The following SLC25A26 variants were observed in gnomAD, a reference collection of about 807,000 sequenced individuals.
The protein encoded by SLC25A26 is mitochondrial S-adenosylmethionine carrier protein.
Under a neutral mutation model 37.8 loss-of-function variants are expected in SLC25A26, and 36 were observed. The ratio of observed to expected loss-of-function variants is 0.95; its 90% confidence interval spans 0.73 to 1.26. The LOEUF (loss-of-function observed/expected upper bound fraction) is 1.26. Among genes scored for constraint, SLC25A26 ranks in the 50% most tolerant of loss-of-function variants. The probability of loss-of-function intolerance (pLI) is 0.00; values close to 1 mark genes in which losing one functional copy is unlikely to be tolerated. For missense variants in SLC25A26, 390 were observed against 331.1 expected, an observed-to-expected ratio of 1.18 and a Z score of -1.38; for synonymous variants, 129 against 122.5, an observed-to-expected ratio of 1.05 and a Z score of -0.35.
At chr3:66,254,969 C>T (rs559466808) in intron 3 of SLC25A26, among the ~76,000 whole-genome samples, 1 of 152,226 alleles carries the variant, frequency 6.6e-6, no homozygotes, top group East Asian at 1.9e-4. Context: ...AGTTGTAAAA[C>T]CCTGGTGGTG....
At chr3:66,222,415 C>T (rs888971602) in intron 1 of SLC25A26, among the ~76,000 whole-genome samples, 2 of 152,122 alleles carry the variant, frequency 1.3e-5, no homozygotes, top group Non-Finnish European at 2.9e-5. Context: ...CTCCTGACCT[C>T]GTGATCCCGC....
At chr3:66,329,205 A>C (rs1249915578) in intron 5 of SLC25A26, among the ~76,000 whole-genome samples, 1 of 152,182 alleles carries the variant, frequency 6.6e-6, no homozygotes, top group Non-Finnish European at 1.5e-5. Flanking sequence ...TCTCTGCAAA[A>C]GATTTTCCAT....
At chr3:66,200,261 C>T (rs1220659282) in intron 1 of SLC25A26, among the ~76,000 whole-genome samples, 1 of 152,196 alleles carries the variant, frequency 6.6e-6, no homozygotes, top group East Asian at 1.9e-4. Context: ...TCCTGGCTGG[C>T]CAAGGAGACT....
intron 6 of SLC25A26, among the ~76,000 whole-genome samples, chr3:66,361,334 G>T (rs1243472187): frequency 6.6e-6 from 1 of 152,172 alleles, no homozygotes; most frequent in Admixed American, 6.5e-5. Flanking sequence ...GTGACTTTGA[G>T]TTAGGCAAAG....
chr3:66,377,662 A>T, intron 9 of SLC25A26, 28 bp from the exon 10 acceptor site: 5 of 1,560,796 alleles, frequency 3.2e-6, no homozygotes, highest in Middle Eastern at 3.4e-4. Context: ...AATACGCACA[A>T]CATTAAAAAT....
At chr3:66,239,087 G>C (rs1367362401) in intron 2 of SLC25A26, among the ~76,000 whole-genome samples, 2 of 152,142 alleles carry the variant, frequency 1.3e-5, no homozygotes, top group Non-Finnish European at 2.9e-5. Context: ...CTTTCTGCTC[G>C]ATTGTCTGAT....
chr3:66,138,934 AG>A (rs1300927563), intron 1 of SLC25A26, among the ~76,000 whole-genome samples: 1 of 152,078 alleles, frequency 6.6e-6, no homozygotes, highest in Non-Finnish European at 1.5e-5. Flanking sequence ...ATTCTTTTTG[AG>A]ATTCTTTTTT....
chr3:66,351,612 G>C (rs1375414691), intron 6 of SLC25A26, among the ~76,000 whole-genome samples: 1 of 152,090 alleles, frequency 6.6e-6, no homozygotes, highest in African/African-American at 2.4e-5. Context: ...ATCACCAGCT[G>C]CCTAGTTGAC....
chr3:66,263,316 T>A lies in SLC25A26; in HGVS notation c.406-16T>A. 1 of 1,607,488 alleles carries A rather than the reference T, an allele frequency of 6.2e-7. No individual in the cohort carries two copies. The highest frequency in any genetic ancestry group is 1.3e-5 in the African/African-American group (1 of 74,966). On this transcript the variant is annotated splice_polypyrimidine_tract_variant and intron_variant, in intron 4 of 9. Transcript: ENST00000354883. Reference sequence around the variant, plus strand: ...CTGCCATTCTTTCTGAACTCTCGGCTGTGTGTTTGTTTCAGGGTATCCAAG... The same window carrying A: ...CTGCCATTCTTTCTGAACTCTCGGCAGTGTGTTTGTTTCAGGGTATCCAAG...
At chr3:66,203,244 G>T (rs1427192190) in intron 1 of SLC25A26, among the ~76,000 whole-genome samples, 2 of 152,046 alleles carry the variant, frequency 1.3e-5, no homozygotes, top group Admixed American at 1.3e-4. Flanking sequence ...AGCCAGGCAT[G>T]GTGCCATGTG....
intron 6 of SLC25A26, among the ~76,000 whole-genome samples, chr3:66,351,836 T>C (rs1406165325): frequency 2.0e-5 from 3 of 152,194 alleles, no homozygotes; most frequent in Admixed American, 2.0e-4. Flanking sequence ...ACTGTTCTAG[T>C]TCAAGCCTCT....
intron 1 of SLC25A26, among the ~76,000 whole-genome samples, chr3:66,152,697 G>A (rs550610860): frequency 6.6e-6 from 1 of 152,108 alleles, no homozygotes; most frequent in Non-Finnish European, 1.5e-5. Flanking sequence ...GGGTAGGGTG[G>A]GAGGGAATTT....
chr3:66,270,998 G>C (rs1174494695), intron 5 of SLC25A26, among the ~76,000 whole-genome samples: 1 of 152,176 alleles, frequency 6.6e-6, no homozygotes, highest in Non-Finnish European at 1.5e-5. Flanking sequence ...AGGGGCACCA[G>C]TTCCTGTGTG....
At chr3:66,181,084 G>C (rs1455935809) in intron 1 of SLC25A26, among the ~76,000 whole-genome samples, 1 of 152,178 alleles carries the variant, frequency 6.6e-6, no homozygotes, top group Non-Finnish European at 1.5e-5. Context: ...GCAGCCTTCA[G>C]TACTGTGAAA....
intron 1 of SLC25A26, among the ~76,000 whole-genome samples, chr3:66,174,617 T>TAA (rs200658216): frequency 6.6e-6 from 1 of 150,928 alleles, no homozygotes; most frequent in African/African-American, 2.4e-5. Flanking sequence ...CGTCTCTACT[T>TAA]AAAAAAAACA....
At chr3:66,138,414 A>G (rs982293648) in intron 1 of SLC25A26, among the ~76,000 whole-genome samples, 3 of 152,006 alleles carry the variant, frequency 2.0e-5, no homozygotes, top group Non-Finnish European at 4.4e-5. Context: ...AATATTATAC[A>G]CTTGAGATCC....
At chr3:66,168,964 A>AT (rs2070460265) in intron 1 of SLC25A26, among the ~76,000 whole-genome samples, 1 of 152,110 alleles carries the variant, frequency 6.6e-6, no homozygotes. Context: ...TATACAAAAC[A>AT]TTTTTTAAAA....
At chr3:66,344,820 A>G (rs1472161788) in intron 5 of SLC25A26, among the ~76,000 whole-genome samples, 1 of 152,196 alleles carries the variant, frequency 6.6e-6, no homozygotes, top group African/African-American at 2.4e-5. Flanking sequence ...ACTGTGGGTG[A>G]ATTTATATGC....
intron 1 of SLC25A26, among the ~76,000 whole-genome samples, chr3:66,149,382 C>A (rs575408317): frequency 9.2e-5 from 14 of 152,240 alleles, no homozygotes; most frequent in Non-Finnish European, 1.6e-4. Flanking sequence ...ATAATTCAAG[C>A]ACCTGACCCT....
Sources: gnomAD v4.1 joint callset for allele counts (sites outside exome capture counted in the v4.1 genomes callset) on GRCh38, gnomAD v4.1.1 for gene constraint, MANE v1.5 for transcripts, NCBI Gene and HGNC (gene_info 2026-07-23, HGNC 2026-07-21) for gene names.